FXYD3: variants seen among roughly 807,000 people sequenced by gnomAD.
The protein encoded by FXYD3 is FXYD domain containing ion transport regulator 3, also known as FXYD domain-containing ion transport regulator 3.
Under a neutral mutation model 19.2 loss-of-function variants are expected in FXYD3, and 13 were observed. The ratio of observed to expected loss-of-function variants is 0.68; its 90% CI spans 0.44 to 1.08. The LOEUF is 1.08. FXYD3 is among the 50% of genes least tolerant of loss of function. The pLI, the probability that FXYD3 is intolerant of heterozygous loss-of-function variation, is 0.00. For synonymous variants in FXYD3, 48 were observed against 38.9 expected, an observed-to-expected ratio of 1.23 and a Z score of -0.87; for missense variants, 101 against 109.4, an observed-to-expected ratio of 0.92 and a Z score of 0.34.
In FXYD3 at chr19:35,123,697, T is replaced by C. The variant is rs1001970115; in HGVS notation, c.*240T>C. The C allele has an allele frequency of 5.2e-5, 30 of 575,360 alleles. No homozygotes were observed. Among genetic ancestry groups the C allele is most frequent in the South Asian group, 4.5e-4 (22 of 48,414 alleles). The allele number at this position is 575,360 out of a possible 1,614,324, so 35.6% of individuals were successfully genotyped here. A position where few individuals can be genotyped will look rare whatever the true frequency, so the allele number is the denominator to read the frequency against. ...TCCTATGTGTGCATTGGGGTGGGGC[T>C]TGGGGCACCATGAGAAGGTTGGCGT... is the stretch of plus-strand genomic sequence containing the variant. On this transcript the variant is annotated 3_prime_UTR_variant, in exon 9 of 9. Transcript: ENST00000604404.
At position 35,123,817 on chromosome 19, in the gene FXYD3, C is replaced by T. The variant is rs1339967069; in HGVS notation, c.*360C>T. The T allele has an allele frequency of 4.6e-5, 16 of 348,520 alleles. No individual in the cohort carries two copies. Among genetic ancestry groups the T allele is most frequent in the Non-Finnish European group, 6.9e-5 (13 of 188,958 alleles). 21.6% of individuals were successfully genotyped at this position (348,520 alleles called of 1,614,324 possible). On this transcript the variant is annotated 3_prime_UTR_variant, in exon 9 of 9. Transcript: ENST00000604404. ...TGTGGCTTGGGACATGGCACAGGCC[C>T]GCCCTCTGCCTCCTCAGCCATGGGA...
chr19:35,122,543 T>C, intron 5 of FXYD3: 1 of 568,802 alleles, frequency 1.8e-6, no homozygotes, highest in Non-Finnish European at 3.1e-6. Flanking sequence ...ACCCCACTTA[T>C]TTTTCTTCAA....
chr19:35,117,084 A>G, intron 2 of FXYD3: 1 of 985,342 alleles, frequency 1.0e-6, no homozygotes, highest in Non-Finnish European at 1.2e-6. Context: ...GAGCAGGTAG[A>G]CAGAGCATCA....
intron 2 of FXYD3, chr19:35,116,639 TAGGG>T (rs2064891751): frequency 2.0e-6 from 2 of 984,994 alleles, no homozygotes; most frequent in Non-Finnish European, 2.4e-6. Flanking sequence ...CTGCATGGAT[TAGGG>T]ATATCTGGGT....
intron 2 of FXYD3, among the ~76,000 whole-genome samples, chr19:35,117,853 C>G (rs1568383254): frequency 4.0e-5 from 6 of 151,700 alleles, no homozygotes; most frequent in Non-Finnish European, 7.4e-5. Context: ...CCCTGGGGTG[C>G]CAGGCAGAGG....
At chr19:35,121,641 C>A in intron 5 of FXYD3, 1 of 814,880 alleles carries the variant, frequency 1.2e-6, no homozygotes, top group Non-Finnish European at 1.7e-6. Context: ...CTCCACGCTC[C>A]TCATTCCTTC....
At chr19:35,117,411 G>A in intron 2 of FXYD3, 1 of 1,429,310 alleles carries the variant, frequency 7.0e-7, no homozygotes, top group Non-Finnish European at 9.2e-7. Context: ...ACAGAGCATA[G>A]GGCTTTAAGA....
chr19:35,123,371 T>TAC, intron 8 of FXYD3, 63 bp downstream of exon 8: 1 of 1,583,342 alleles, frequency 6.3e-7, no homozygotes, highest in Non-Finnish European at 8.6e-7. Flanking sequence ...TGTGTGTATG[T>TAC]GTGTGTTTGC....
intron 3 of FXYD3, among the ~76,000 whole-genome samples, chr19:35,120,089 C>T (rs1385180616): frequency 6.6e-6 from 1 of 151,962 alleles, no homozygotes; most frequent in Non-Finnish European, 1.5e-5. Context: ...GTAGAAGGCT[C>T]AGCTCAGTGC....
Position 35,123,694 on chromosome 19 carries a change from G to A in FXYD3, c.*237G>A. 1.7e-6 allele frequency: 1 copy of A among 577,556 alleles called. No individual in the cohort carries two copies. The highest frequency in any genetic ancestry group is 3.1e-5 in the Admixed American group (1 of 32,594). The allele number at this position is 577,556 out of a possible 1,614,324, so 35.8% of individuals were successfully genotyped here. ...ACTTCCTATGTGTGCATTGGGGTGG[G>A]GCTTGGGGCACCATGAGAAGGTTGG... On this transcript the variant is annotated 3_prime_UTR_variant, in exon 9 of 9. Transcript: ENST00000604404.
At chr19:35,122,183 CACCCAGAGTGTGACTG>C (rs1322057842) in intron 5 of FXYD3, among the ~76,000 whole-genome samples, 1 of 151,038 alleles carries the variant, frequency 6.6e-6, no homozygotes, top group Non-Finnish European at 1.5e-5. Flanking sequence ...TTTGCTCTTT[CACCCAGAGTGTGACTG>C]GCTGGAGTGC....
intron 5 of FXYD3, 115 bp downstream of exon 5, chr19:35,121,360 G>T: frequency 6.2e-7 from 1 of 1,612,288 alleles, no homozygotes. Context: ...GATACGAAGG[G>T]ACTAGGATGG....
intron 5 of FXYD3, chr19:35,122,553 A>G (rs1329334061): frequency 1.7e-6 from 1 of 572,328 alleles, no homozygotes; most frequent in Non-Finnish European, 3.1e-6. Flanking sequence ...TTTTTCTTCA[A>G]ACCACTTATC....
intron 8 of FXYD3, 26 bp downstream of exon 8, chr19:35,123,334 G>C (rs373469267): frequency 1.2e-6 from 2 of 1,610,970 alleles, no homozygotes; most frequent in African/African-American, 2.7e-5. Context: ...ATGGGGCTCA[G>C]GGGAACACGG....
intron 3 of FXYD3, chr19:35,119,648 T>TTTTG (rs1390347984): frequency 6.7e-5 from 32 of 480,056 alleles, no homozygotes; most frequent in African/African-American, 3.8e-4. Context: ...CTCTTCTTTT[T>TTTTG]TTTTGGCTTT....
At chr19:35,121,324 G>T in intron 5 of FXYD3, 79 bp downstream of exon 5, 1 of 1,613,592 alleles carries the variant, frequency 6.2e-7, no homozygotes. Flanking sequence ...CAGGGTTGGG[G>T]CCTGACGTGA....
intron 2 of FXYD3, among the ~76,000 whole-genome samples, chr19:35,118,984 G>A (rs1465549290): frequency 6.6e-6 from 1 of 152,220 alleles, no homozygotes; most frequent in Non-Finnish European, 1.5e-5. Context: ...CTGCTGGGGA[G>A]CCAGGCCTGG....
intron 2 of FXYD3, 52 bp from the exon 3 acceptor site, chr19:35,119,311 G>C: frequency 6.2e-7 from 1 of 1,607,332 alleles, no homozygotes; most frequent in Non-Finnish European, 8.5e-7. Flanking sequence ...ACAGGCACAG[G>C]GCCAGCCTCC....
At position 35,121,636 on chromosome 19, in the gene FXYD3, C is replaced by T. The variant is rs956351919; in HGVS notation, c.97+391C>T. ...TCCCCGCTCTGCCCTCACCTCTCCA[C>T]GCTCCTCATTCCTTCTGCTCCAAGC... On this transcript the variant is annotated intron_variant, in intron 5 of 8. Transcript: ENST00000604404. The T allele has an allele frequency of 2.8e-5, 24 of 869,016 alleles. 1 individual carries two copies. The highest frequency in any genetic ancestry group is 2.2e-4 in the African/African-American group (13 of 58,026). The allele number at this position is 869,016 out of a possible 1,614,324, so 53.8% of individuals were successfully genotyped here.
Sources: allele counts gnomAD v4.1 joint callset (sites outside exome capture counted in the v4.1 genomes callset), GRCh38; gene constraint gnomAD v4.1.1; transcripts MANE v1.5; gene names NCBI Gene and HGNC (gene_info 2026-07-23, HGNC 2026-07-21).